Variants in CYP4F22 observed in about 807,000 individuals in gnomAD.
The protein encoded by CYP4F22 is cytochrome P450 family 4 subfamily F member 22, also known as ultra-long-chain fatty acid omega-hydroxylase.
A neutral mutation model predicts 60.4 loss-of-function variants in CYP4F22; 37 were observed. The ratio of observed to expected loss-of-function variants is 0.61; its 90% CI spans 0.47 to 0.81. CYP4F22 has a LOEUF of 0.81. Among genes scored for constraint, CYP4F22 ranks in the 30% least tolerant of loss-of-function variants. The pLI, the probability that CYP4F22 is intolerant of heterozygous loss-of-function variation, is 0.00. For synonymous variants in CYP4F22, 258 were observed against 280.5 expected (o/e 0.92, Z 0.80); for missense variants, 655 against 715.0 (o/e 0.92, Z 0.96).
intron 8 of CYP4F22, among the ~76,000 whole-genome samples, chr19:15,543,765 G>A (rs1164991973): frequency 2.0e-5 from 3 of 151,340 alleles, no homozygotes; most frequent in East Asian, 1.9e-4. Flanking sequence ...GCTGAGGCAC[G>A]AGAATCACTT....
At chr19:15,539,803 GTTA>G in intron 7 of CYP4F22, among the ~76,000 whole-genome samples, 1 of 152,194 alleles carries the variant, frequency 6.6e-6, no homozygotes, top group East Asian at 1.9e-4. Context: ...CCCAACACTT[GTTA>G]TTATAAGTTT....
intron 1 of CYP4F22, among the ~76,000 whole-genome samples, chr19:15,518,647 C>CAAAAAAAAAAAAAAAAAAA (rs748509278): frequency 1.7e-4 from 4 of 23,494 alleles, no homozygotes; most frequent in Non-Finnish European, 2.6e-4. Context: ...GACTTTGTCT[C>CAAAAAAAAAAAAAAAAAAA]AAAAAAAAAA....
At chr19:15,548,691 G>A (rs1345663799) in intron 11 of CYP4F22, among the ~76,000 whole-genome samples, 1 of 152,132 alleles carries the variant, frequency 6.6e-6, no homozygotes, top group Non-Finnish European at 1.5e-5. Context: ...ATATGGAGAG[G>A]AATGCAGGGA....
intron 11 of CYP4F22, 54 bp downstream of exon 11, chr19:15,548,295 C>T (rs1379967751): frequency 1.2e-6 from 2 of 1,610,756 alleles, no homozygotes; most frequent in African/African-American, 1.3e-5. Context: ...GATGTAGCTG[C>T]TCTATTGTCC....
intron 4 of CYP4F22, among the ~76,000 whole-genome samples, chr19:15,534,231 G>A (rs1971372443): frequency 6.6e-6 from 1 of 152,220 alleles, no homozygotes; most frequent in South Asian, 2.1e-4. Context: ...GAGTCTTATA[G>A]GGATGCCATG....
At chr19:15,546,438 G>T (rs1007118443) in intron 10 of CYP4F22, among the ~76,000 whole-genome samples, 2 of 152,180 alleles carry the variant, frequency 1.3e-5, no homozygotes, top group Non-Finnish European at 2.9e-5. Flanking sequence ...ACAAAAATTA[G>T]CTGGGCGTAT....
At chr19:15,550,407 C>T (rs1971581687) in intron 12 of CYP4F22, among the ~76,000 whole-genome samples, 1 of 152,146 alleles carries the variant, frequency 6.6e-6, no homozygotes. Context: ...GAGCTGAGAA[C>T]TTAGGGGATG....
chr19:15,509,910 T>TTTCC (rs1372833172), intron 1 of CYP4F22, among the ~76,000 whole-genome samples: 2 of 127,678 alleles, frequency 1.6e-5, no homozygotes, highest in Non-Finnish European at 3.4e-5. Context: ...CCTTCCTTTC[T>TTTCC]TTCTTTCCTT....
At chr19:15,545,648 C>CAAAAAAAAAAAAAAAAAAA (rs1217096575) in intron 10 of CYP4F22, among the ~76,000 whole-genome samples, 5 of 38,952 alleles carry the variant, frequency 1.3e-4, no homozygotes, top group Non-Finnish European at 1.8e-4. Context: ...GACCCTGTCT[C>CAAAAAAAAAAAAAAAAAAA]AAAAAAAAAA....
chr19:15,540,960 G>T (rs562403554), intron 8 of CYP4F22, among the ~76,000 whole-genome samples: 2 of 152,108 alleles, frequency 1.3e-5, no homozygotes, highest in Non-Finnish European at 2.9e-5. Flanking sequence ...GCATGCCTAT[G>T]GTCCCAGCTA....
At chr19:15,547,982 AGAGAGAGAGAGAGGGAGAGAGT>A in intron 10 of CYP4F22, 104 bp from the exon 11 acceptor site, 3 of 1,068,550 alleles carry the variant, frequency 2.8e-6, no homozygotes, top group African/African-American at 2.8e-5. Context: ...AGAGAGAGAG[AGAGAGAGAGAGAGGGAGAGAGT>A]GTGTGTGTGT....
At chr19:15,543,926 A>T in intron 8 of CYP4F22, 45 bp from the exon 9 acceptor site, 5 of 1,591,656 alleles carry the variant, frequency 3.1e-6, no homozygotes, top group Non-Finnish European at 4.3e-6. Flanking sequence ...TAGGATGCGG[A>T]GGGTGGGATG....
At position 15,509,430 on chromosome 19, in the gene CYP4F22, C is replaced by T. The variant is rs377252031; in HGVS notation, c.-109+847C>T. 1.4e-4 allele frequency among the ~76,000 whole-genome samples: 22 copies of T among 152,240 alleles called. No individual in the cohort carries two copies. The South Asian group carries it at 3.9e-3, about 27-fold the overall frequency. On this transcript the variant is annotated intron_variant, in intron 1 of 13. Coordinates refer to ENST00000269703, the MANE Select transcript of CYP4F22 (RefSeq NM_173483.4). ...AGATGGCCAGGGCTGGCTGCGTACC[C>T]GAAATTCCTCCTACCCTGTGCCCCT...
rs750797007 is a variant in CYP4F22, at chr19:15,551,400, A to C, written c.1525A>C (p.Lys509Gln). Residue 509 changes from lysine (K) to glutamine (Q), a missense_variant, in exon 14 of 14, where the codon AAG becomes CAG. Physicochemically the swap from Lys to Gln is moderately conservative, Grantham distance 53. Coordinates refer to ENST00000269703, the MANE Select transcript of CYP4F22 (RefSeq NM_173483.4). ...SVDRTRKVRR[K>Q]PELILRTENG... is the part of the protein sequence containing the mutation. ...GGACCGAACGCGCAAGGTGCGGCGG[A>C]AGCCGGAGCTCATACTGCGCACGGA... 1.9e-6 allele frequency: 3 copies of C among 1,604,982 alleles called. No homozygotes were observed. In the South Asian group the frequency reaches 3.4e-5, roughly 18 times the overall value.
intron 1 of CYP4F22, among the ~76,000 whole-genome samples, chr19:15,518,206 G>A (rs999679809): frequency 6.6e-6 from 1 of 151,974 alleles, no homozygotes; most frequent in African/African-American, 2.4e-5. Context: ...GCATGGTGGT[G>A]CATGCCTGTA....
At chr19:15,546,618 A>G (rs1248202666) in intron 10 of CYP4F22, among the ~76,000 whole-genome samples, 3 of 146,362 alleles carry the variant, frequency 2.0e-5, no homozygotes, top group Admixed American at 1.3e-4. Context: ...AAAGAAACTA[A>G]TCTAATCTAG....
At chr19:15,550,594 C>A in intron 12 of CYP4F22, 80 bp from the exon 13 acceptor site, 1 of 1,436,682 alleles carries the variant, frequency 7.0e-7, no homozygotes, top group East Asian at 2.3e-5. Context: ...CTTTACTGAC[C>A]CCCAGAGGCT....
chr19:15,522,491 G>A lies in CYP4F22; in HGVS notation c.-108-1202G>A, dbSNP rs570538383. On this transcript the variant is annotated intron_variant, in intron 1 of 13. Transcript: ENST00000269703. ...GGAATTTGAGATCAGCCTGGGTAAC[G>A]TCATGAGACTCTGTCTCTACAGAAA... 4.6e-5 allele frequency among the ~76,000 whole-genome samples: 7 copies of A among 152,202 alleles called. No homozygotes were observed. The South Asian group carries it at 1.2e-3, about 27-fold the overall frequency.
At chr19:15,541,395 T>C (rs545826215) in intron 8 of CYP4F22, among the ~76,000 whole-genome samples, 126 of 152,292 alleles carry the variant, frequency 8.3e-4, no homozygotes, top group African/African-American at 2.9e-3. Context: ...TCTGTGCCTG[T>C]CTCTGTCTTC....
Sources: gnomAD v4.1 joint callset for allele counts (sites outside exome capture counted in the v4.1 genomes callset) on GRCh38, gnomAD v4.1.1 for gene constraint, MANE v1.5 for transcripts, NCBI Gene and HGNC (gene_info 2026-07-23, HGNC 2026-07-21) for gene names.